The following TSHZ3 variants were observed in gnomAD, a reference collection of about 807,000 sequenced individuals.
TSHZ3 encodes the protein teashirt homolog 3.
A neutral mutation model predicts 64.5 loss-of-function variants in TSHZ3; 10 were observed. The ratio of observed to expected loss-of-function variants is 0.16; its 90% CI spans 0.10 to 0.26. The LOEUF is 0.26. Ranked by LOEUF, TSHZ3 falls within the 10% of genes least tolerant of loss-of-function variation. The pLI is 1.00. For synonymous variants in TSHZ3, 608 were observed against 593.1 expected (o/e 1.03, Z -0.36); for missense variants, 1,242 against 1,421.7 (o/e 0.87, Z 2.03).
At chr19:31,218,861 T>C (rs1391770081) in intron 4 of TSHZ3, among the ~76,000 whole-genome samples, 2 of 152,218 alleles carry the variant, frequency 1.3e-5, no homozygotes, top group Non-Finnish European at 2.9e-5. Context: ...ATAACATTAT[T>C]TTCTAAAGTG....
intron 5 of TSHZ3, among the ~76,000 whole-genome samples, chr19:31,171,394 C>T (rs145364909): frequency 3.3e-5 from 5 of 152,124 alleles, no homozygotes; most frequent in Non-Finnish European, 7.4e-5. Context: ...TCCATCTTCC[C>T]AACTGATTCA....
chr19:31,329,853 T>C (rs930072415), intron 1 of TSHZ3, among the ~76,000 whole-genome samples: 5 of 152,266 alleles, frequency 3.3e-5, no homozygotes, highest in African/African-American at 1.2e-4. Context: ...TTCAGTCCCA[T>C]CAGCGTTGGG....
rs373604866 is a variant in TSHZ3 at position 31,349,113 on chromosome 19, G to A, written c.40+67C>T. 3.3e-6 allele frequency: 5 copies of A among 1,510,250 alleles called. No individual in the cohort carries two copies. The African/African-American group carries it at 4.3e-5, about 13-fold the overall frequency. 93.6% of individuals were successfully genotyped at this position (1,510,250 alleles called of 1,614,324 possible). On this transcript the variant is annotated intron_variant, in intron 1 of 1. Coordinates refer to ENST00000240587, the MANE Select transcript of TSHZ3 (RefSeq NM_020856.4). ...CGGGGCGAGGAGCGGGGTCGCGCCC[G>A]CTGGAGGCGCGGGGCGAGCGGAGGA...
At chr19:31,206,602 C>T (rs1037208284) in intron 4 of TSHZ3, among the ~76,000 whole-genome samples, 4 of 151,852 alleles carry the variant, frequency 2.6e-5, no homozygotes, top group Non-Finnish European at 4.4e-5. Context: ...CATAAGGACA[C>T]GATAAATACT....
At chr19:31,165,545 G>A (rs1974437291) in intron 5 of TSHZ3, among the ~76,000 whole-genome samples, 1 of 152,118 alleles carries the variant, frequency 6.6e-6, no homozygotes, top group Non-Finnish European at 1.5e-5. Context: ...CAAAAACTGT[G>A]ACCTCATGGG....
At chr19:31,333,888 A>G (rs1568384671) in intron 1 of TSHZ3, among the ~76,000 whole-genome samples, 2 of 152,200 alleles carry the variant, frequency 1.3e-5, no homozygotes. Context: ...GAACACGTCA[A>G]GTAATGAAAG....
chr19:31,210,985 A>C (rs1242546142), intron 4 of TSHZ3, among the ~76,000 whole-genome samples: 1 of 152,260 alleles, frequency 6.6e-6, no homozygotes, highest in East Asian at 1.9e-4. Flanking sequence ...AAGTAGGTGG[A>C]ACATAAAAAT....
rs193001578 is a variant in TSHZ3 at position 31,202,128 on chromosome 19, T to C, written n.809+2828A>G. On this transcript the variant is annotated intron_variant and non_coding_transcript_variant, in intron 5 of 6. Coordinates refer to the TSHZ3 transcript ENST00000651361. ...TTGCAGTGAGCTGAGATCGTGCCAT[T>C]GCACTCTGGCCTGGGCAACAGAGCG... Among the ~76,000 whole-genome samples the C allele has an allele frequency of 2.6e-5, 4 of 152,174 alleles. No homozygotes were observed. The East Asian group carries it at 7.8e-4, about 29-fold the overall frequency.
intron 5 of TSHZ3, among the ~76,000 whole-genome samples, chr19:31,180,694 T>C (rs1303409167): frequency 6.6e-6 from 1 of 152,250 alleles, no homozygotes; most frequent in Non-Finnish European, 1.5e-5. Flanking sequence ...GACGGGCATG[T>C]CACAGATGTT....
chr19:31,214,909 GA>G (rs950173415), intron 4 of TSHZ3, among the ~76,000 whole-genome samples: 2,010 of 41,870 alleles, frequency 0.048, 10 homozygotes, highest in Non-Finnish European at 0.08. Flanking sequence ...CTCTGTCTCA[GA>G]AAAAAAAAAA....
chr19:31,260,752 A>AGG (rs1240278237), intron 1 of TSHZ3, among the ~76,000 whole-genome samples: 1 of 152,166 alleles, frequency 6.6e-6, no homozygotes, highest in African/African-American at 2.4e-5. Flanking sequence ...GGAACAAAAG[A>AGG]ACATTTTGTC....
intron 5 of TSHZ3, among the ~76,000 whole-genome samples, chr19:31,175,882 C>T (rs1335790260): frequency 6.6e-6 from 1 of 152,226 alleles, no homozygotes; most frequent in East Asian, 1.9e-4. Context: ...CGCATCTCTG[C>T]CCAGTACTTG....
chr19:31,170,512 A>T (rs1025649564), intron 5 of TSHZ3, among the ~76,000 whole-genome samples: 1 of 152,124 alleles, frequency 6.6e-6, no homozygotes, highest in Non-Finnish European at 1.5e-5. Context: ...TCACCAAACC[A>T]TTCTTCCTGC....
At chr19:31,231,198 C>A (rs1193589869) in intron 3 of TSHZ3, among the ~76,000 whole-genome samples, 3 of 152,090 alleles carry the variant, frequency 2.0e-5, no homozygotes, top group African/African-American at 7.2e-5. Context: ...TCACAACAAT[C>A]CATTGGCAAA....
intron 1 of TSHZ3, among the ~76,000 whole-genome samples, chr19:31,342,607 T>C (rs1004506828): frequency 2.0e-5 from 3 of 152,210 alleles, no homozygotes; most frequent in African/African-American, 4.8e-5. Flanking sequence ...TTATGCAACA[T>C]GCATTTCTCA....
intron 3 of TSHZ3, among the ~76,000 whole-genome samples, chr19:31,232,710 C>G (rs1277700904): frequency 1.3e-5 from 2 of 152,154 alleles, no homozygotes; most frequent in East Asian, 3.9e-4. Context: ...AGTCAGTGAC[C>G]TCCATCCTAC....
chr19:31,299,396 T>G (rs1599634267), intron 1 of TSHZ3, among the ~76,000 whole-genome samples: 1 of 152,120 alleles, frequency 6.6e-6, no homozygotes, highest in African/African-American at 2.4e-5. Context: ...GCAAGGTAGA[T>G]AAAGCAAGAA....
chr19:31,321,302 G>A (rs1292600847), intron 1 of TSHZ3, among the ~76,000 whole-genome samples: 1 of 152,264 alleles, frequency 6.6e-6, no homozygotes, highest in Non-Finnish European at 1.5e-5. Flanking sequence ...ATGGGAGACA[G>A]GCAGGGCTGG....
At chr19:31,265,793 T>A (rs1008935903) in intron 1 of TSHZ3, among the ~76,000 whole-genome samples, 1 of 152,068 alleles carries the variant, frequency 6.6e-6, no homozygotes, top group African/African-American at 2.4e-5. Flanking sequence ...CACACAAGGA[T>A]GGGTCACCCA....
Sources: allele counts gnomAD v4.1 joint callset (sites outside exome capture counted in the v4.1 genomes callset), GRCh38; gene constraint gnomAD v4.1.1; transcripts MANE v1.5; gene names NCBI Gene and HGNC (gene_info 2026-07-23, HGNC 2026-07-21).